SV2C: variants seen among roughly 807,000 people sequenced by gnomAD.
SV2C encodes the protein solute carrier family 22 member B3.
SV2C carries 49 observed loss-of-function variants against 79.7 expected under a neutral mutation model. The ratio of observed to expected loss-of-function variants is 0.61; its 90% CI spans 0.49 to 0.78. SV2C has a LOEUF of 0.78. SV2C is among the 30% of genes least tolerant of loss of function. SV2C has a pLI of 0.00. For missense variants in SV2C, 833 were observed against 912.9 expected, an observed-to-expected ratio of 0.91 and a Z score of 1.13; for synonymous variants, 334 against 333.2, an observed-to-expected ratio of 1.00 and a Z score of -0.03.
chr5:75,919,125 G>A, the SV2C span, among the ~76,000 whole-genome samples: 1 of 152,320 alleles, frequency 6.6e-6, no homozygotes, highest in South Asian at 2.1e-4. Flanking sequence ...CCAAAGCTTA[G>A]TATGGAATAC....
At chr5:76,242,230 C>G in intron 4 of SV2C, 1 of 1,000,932 alleles carries the variant, frequency 1.0e-6, no homozygotes. Context: ...CGGATCTTCT[C>G]TGTGGTTCGT....
intron 3 of SV2C, among the ~76,000 whole-genome samples, chr5:76,203,289 T>C (rs1220871810): frequency 1.3e-5 from 2 of 151,930 alleles, no homozygotes; most frequent in Non-Finnish European, 2.9e-5. Flanking sequence ...CAGAGTTTGA[T>C]TGGGTGAGGG....
chr5:76,343,507 T>C (rs1340828827), intron 12 of SV2C, among the ~76,000 whole-genome samples: 1 of 152,058 alleles, frequency 6.6e-6, no homozygotes, highest in Non-Finnish European at 1.5e-5. Context: ...AATAAAACCA[T>C]GGTAAAATGC....
At chr5:75,923,070 A>G in the SV2C span, among the ~76,000 whole-genome samples, 1 of 152,220 alleles carries the variant, frequency 6.6e-6, no homozygotes, top group Admixed American at 6.5e-5. Context: ...AAAAATAGGC[A>G]TGTAGACCAA....
At chr5:76,148,693 A>G (rs1221489339) in intron 2 of SV2C, among the ~76,000 whole-genome samples, 1 of 152,096 alleles carries the variant, frequency 6.6e-6, no homozygotes, top group Non-Finnish European at 1.5e-5. Flanking sequence ...GGCTCAAATG[A>G]TCCTCCTACC....
At chr5:75,901,534 G>T in the SV2C span, among the ~76,000 whole-genome samples, 22,000 of 152,254 alleles carry the variant, frequency 0.14, 5,208 homozygotes, top group African/African-American at 0.49. Context: ...CAGGGGTCAG[G>T]GGTCAGGGAC....
chr5:76,126,560 G>T (rs1267915952), intron 1 of SV2C, among the ~76,000 whole-genome samples: 2 of 152,180 alleles, frequency 1.3e-5, no homozygotes, highest in African/African-American at 4.8e-5. Context: ...CAGGGATAAA[G>T]TTGGACACAG....
chr5:76,260,882 C>T (rs1021211072), intron 4 of SV2C, among the ~76,000 whole-genome samples: 1 of 152,112 alleles, frequency 6.6e-6, no homozygotes, highest in Non-Finnish European at 1.5e-5. Flanking sequence ...AGCATGATGC[C>T]TTCAGCTTTG....
the SV2C span, among the ~76,000 whole-genome samples, chr5:75,854,645 T>C: frequency 1.3e-5 from 2 of 152,198 alleles, no homozygotes; most frequent in African/African-American, 2.4e-5. Flanking sequence ...GTAGTGCTCA[T>C]GTTTCAGTTT....
chr5:75,912,675 G>C, the SV2C span, among the ~76,000 whole-genome samples: 3 of 152,072 alleles, frequency 2.0e-5, no homozygotes, highest in Non-Finnish European at 4.4e-5. Context: ...CTTGATATGA[G>C]GGTGGGGGCC....
At position 76,182,577 on chromosome 5, in the gene SV2C, C is replaced by T. The variant is rs112986178; in HGVS notation, c.581-12342C>T. Among the ~76,000 whole-genome samples the T allele has an allele frequency of 2.1e-3, 325 of 152,214 alleles. 1 individual carries two copies. Among genetic ancestry groups the T allele is most frequent in the African/African-American group, 7.4e-3 (308 of 41,516 alleles). On this transcript the variant is annotated intron_variant, in intron 2 of 12. Transcript: ENST00000502798. ...AATGAGGAAAGCGAGGTGCCTCGGGCGTAAGATGAAAGGAAGCACACACTC... is the reference window on the plus strand; with the variant it reads ...AATGAGGAAAGCGAGGTGCCTCGGGTGTAAGATGAAAGGAAGCACACACTC...
At chr5:75,904,566 G>A in the SV2C span, among the ~76,000 whole-genome samples, 1 of 152,194 alleles carries the variant, frequency 6.6e-6, no homozygotes, top group African/African-American at 2.4e-5. Flanking sequence ...ATCTGTCCAT[G>A]TGGGGAGTAA....
chr5:75,901,683 C>A, the SV2C span, among the ~76,000 whole-genome samples: 1 of 152,220 alleles, frequency 6.6e-6, no homozygotes. Context: ...TGTGCCCTGC[C>A]CCCAGAGGTG....
chr5:75,993,278 C>T, the SV2C span, among the ~76,000 whole-genome samples: 1 of 151,850 alleles, frequency 6.6e-6, no homozygotes, highest in Non-Finnish European at 1.5e-5. Context: ...AGTCACAAAA[C>T]ATTGTAACAT....
intron 4 of SV2C, among the ~76,000 whole-genome samples, chr5:76,272,601 GTGTTT>G (rs371715210): frequency 5.3e-5 from 8 of 152,092 alleles, no homozygotes; most frequent in African/African-American, 1.7e-4. Context: ...AGTTTAGAAG[GTGTTT>G]TGTTTTGTTT....
chr5:76,182,783 G>A (rs1282240444), intron 2 of SV2C, among the ~76,000 whole-genome samples: 1 of 152,088 alleles, frequency 6.6e-6, no homozygotes, highest in Admixed American at 6.5e-5. Context: ...TATAAAGAAA[G>A]GGTCGTGATG....
chr5:76,302,271 A>G (rs531762328), intron 12 of SV2C, among the ~76,000 whole-genome samples: 2 of 152,224 alleles, frequency 1.3e-5, no homozygotes, highest in Admixed American at 1.3e-4. Context: ...AGAGGTATCT[A>G]GAACATATCT....
chr5:76,284,629 C>A (rs57839168), intron 4 of SV2C, among the ~76,000 whole-genome samples: 1 of 152,158 alleles, frequency 6.6e-6, no homozygotes, highest in Non-Finnish European at 1.5e-5. Flanking sequence ...AATGAGAGCA[C>A]ACACTGCCAG....
At chr5:76,023,617 A>G in the SV2C span, among the ~76,000 whole-genome samples, 2 of 148,568 alleles carry the variant, frequency 1.3e-5, no homozygotes, top group African/African-American at 2.4e-5. Flanking sequence ...ATACTTTCAT[A>G]CTTTTCCTCC....
Sources: allele counts gnomAD v4.1 joint callset (sites outside exome capture counted in the v4.1 genomes callset), GRCh38; gene constraint gnomAD v4.1.1; transcripts MANE v1.5; gene names NCBI Gene and HGNC (gene_info 2026-07-23, HGNC 2026-07-21).